The following STK39 variants were observed in gnomAD, a reference collection of about 807,000 sequenced individuals.
STK39 encodes the protein serine/threonine kinase 39, also known as STE20/SPS1-related proline-alanine-rich protein kinase.
A neutral mutation model predicts 77.8 loss-of-function variants in STK39; 20 were observed. The ratio of observed to expected loss-of-function variants is 0.26; its 90% CI spans 0.18 to 0.37. The LOEUF is 0.37. STK39 is among the 10% of genes least tolerant of loss of function. The pLI is 1.00. For missense variants in STK39, 479 were observed against 656.5 expected, an observed-to-expected ratio of 0.73 and a Z score of 2.95; for synonymous variants, 246 against 234.1, an observed-to-expected ratio of 1.05 and a Z score of -0.47.
intron 14 of STK39, among the ~76,000 whole-genome samples, chr2:168,023,284 T>C (rs994791439): frequency 6.6e-6 from 1 of 150,916 alleles, no homozygotes; most frequent in Non-Finnish European, 1.5e-5. Context: ...TTTTGCTATG[T>C]CTATTTAACG....
chr2:168,157,059 C>T (rs1688447982), intron 5 of STK39, among the ~76,000 whole-genome samples: 1 of 152,216 alleles, frequency 6.6e-6, no homozygotes, highest in South Asian at 2.1e-4. Flanking sequence ...CCATCTTCCT[C>T]TAGCTCCTTA....
intron 17 of STK39, among the ~76,000 whole-genome samples, chr2:167,963,690 T>C (rs1324562175): frequency 6.6e-6 from 1 of 152,154 alleles, no homozygotes; most frequent in Non-Finnish European, 1.5e-5. Context: ...AATCTTTGTG[T>C]TTTTCTTTTA....
chr2:168,047,334 T>G (rs920587528), intron 14 of STK39, among the ~76,000 whole-genome samples: 12 of 152,224 alleles, frequency 7.9e-5, no homozygotes, highest in Non-Finnish European at 1.0e-4. Context: ...GTAATACACA[T>G]TCATTTTAAG....
intron 10 of STK39, among the ~76,000 whole-genome samples, chr2:168,082,486 C>T (rs1231427755): frequency 1.3e-5 from 2 of 152,220 alleles, no homozygotes; most frequent in Non-Finnish European, 2.9e-5. Flanking sequence ...ATTCAATGCT[C>T]TTCCCTGTGG....
intron 16 of STK39, among the ~76,000 whole-genome samples, chr2:167,998,127 A>G (rs16854507): frequency 0.18 from 27,523 of 152,196 alleles, 2,743 homozygotes; most frequent in East Asian, 0.43. Flanking sequence ...AAATAAAGGA[A>G]TGACCAGAAC....
chr2:167,962,799 T>G (rs1217097818), intron 17 of STK39, among the ~76,000 whole-genome samples: 1 of 152,110 alleles, frequency 6.6e-6, no homozygotes, highest in Non-Finnish European at 1.5e-5. Context: ...GATGAATGGC[T>G]GTTGAGAGCG....
chr2:168,100,599 A>G (rs1167815618), intron 10 of STK39, among the ~76,000 whole-genome samples: 1 of 152,188 alleles, frequency 6.6e-6, no homozygotes, highest in Non-Finnish European at 1.5e-5. Flanking sequence ...GAGCTTCTGC[A>G]TGGGAAAAGA....
intron 16 of STK39, among the ~76,000 whole-genome samples, chr2:168,009,757 T>C (rs1684222757): frequency 6.6e-6 from 1 of 152,080 alleles, no homozygotes; most frequent in African/African-American, 2.4e-5. Context: ...TCCAACACTC[T>C]CTAAATAGAA....
chr2:168,071,869 C>CA (rs201293469), intron 12 of STK39, among the ~76,000 whole-genome samples: 7,216 of 105,286 alleles, frequency 0.069, 328 homozygotes, highest in East Asian at 0.2. Context: ...GACTCCATCT[C>CA]AAAAAAAAAA....
chr2:168,075,279 C>T (rs200400860), intron 10 of STK39, 48 bp from the exon 11 acceptor site: 2 of 1,608,570 alleles, frequency 1.2e-6, no homozygotes, highest in Non-Finnish European at 8.5e-7. Context: ...AAATGTGAAC[C>T]ATTTCACTGG....
intron 5 of STK39, among the ~76,000 whole-genome samples, chr2:168,141,469 C>CTA (rs1233118328): frequency 6.6e-6 from 1 of 152,118 alleles, no homozygotes; most frequent in African/African-American, 2.4e-5. Context: ...GATACTCAAC[C>CTA]TATATATACA....
At chr2:168,186,890 G>C (rs774608140) in intron 1 of STK39, among the ~76,000 whole-genome samples, 1 of 152,178 alleles carries the variant, frequency 6.6e-6, no homozygotes, top group Non-Finnish European at 1.5e-5. Flanking sequence ...GAGAGGCTAG[G>C]AGAGCTAAAT....
At chr2:168,076,776 T>C (rs568082202) in intron 10 of STK39, among the ~76,000 whole-genome samples, 1 of 152,322 alleles carries the variant, frequency 6.6e-6, no homozygotes, top group African/African-American at 2.4e-5. Context: ...AAAACCTCTT[T>C]TGGGCTTGGC....
At chr2:168,003,652 T>C (rs1255075801) in intron 16 of STK39, among the ~76,000 whole-genome samples, 3 of 152,208 alleles carry the variant, frequency 2.0e-5, no homozygotes, top group Admixed American at 6.5e-5. Context: ...AAAGTACTTA[T>C]AGTCCTAATT....
At chr2:167,985,803 C>T (rs914421901) in intron 16 of STK39, among the ~76,000 whole-genome samples, 2 of 152,032 alleles carry the variant, frequency 1.3e-5, no homozygotes, top group Non-Finnish European at 2.9e-5. Context: ...TACCACAAGC[C>T]GTAAGAAGGC....
chr2:168,038,449 T>TAA (rs10622931), intron 14 of STK39, among the ~76,000 whole-genome samples: 46,831 of 145,580 alleles, frequency 0.32, 8,429 homozygotes, highest in Non-Finnish European at 0.4. Context: ...TAAAATGATT[T>TAA]AAAAAAAAAA....
chr2:168,214,410 T>C (rs1180183190), intron 1 of STK39, among the ~76,000 whole-genome samples: 1 of 152,134 alleles, frequency 6.6e-6, no homozygotes, highest in Non-Finnish European at 1.5e-5. Flanking sequence ...AATAGGTAAA[T>C]CACATACTGT....
intron 14 of STK39, among the ~76,000 whole-genome samples, chr2:168,058,181 CT>C (rs1282299605): frequency 1.3e-5 from 2 of 152,240 alleles, no homozygotes; most frequent in East Asian, 3.8e-4. Context: ...TTGGACCAGG[CT>C]TTTGTCCCCA....
At position 168,038,708 on chromosome 2, in the gene STK39, A is replaced by T. The variant is rs537232067; in HGVS notation, c.1377-21613T>A. On this transcript the variant is annotated intron_variant, in intron 14 of 17. Transcript: ENST00000355999. ...GACTTACATTCAGATTATATAAAGA[A>T]TTTATGTAACTCAGAAATAAGACAA... Among the ~76,000 whole-genome samples the T allele has an allele frequency of 3.3e-5, 5 of 152,262 alleles. No individual in the cohort carries two copies. In the South Asian group the frequency reaches 1.0e-3, roughly 32 times the overall value.
Sources: allele counts gnomAD v4.1 joint callset (sites outside exome capture counted in the v4.1 genomes callset), GRCh38; gene constraint gnomAD v4.1.1; transcripts MANE v1.5; gene names NCBI Gene and HGNC (gene_info 2026-07-23, HGNC 2026-07-21).